Variants in STIM2 observed in about 807,000 individuals in gnomAD.
STIM2 encodes the protein stromal interaction molecule 2.
Under a neutral mutation model 85.8 loss-of-function variants are expected in STIM2, and 31 were observed. The ratio of observed to expected loss-of-function variants is 0.36; its 90% CI spans 0.27 to 0.49. STIM2 has a LOEUF of 0.49. Ranked by LOEUF, STIM2 falls within the 20% of genes least tolerant of loss-of-function variation. The probability of loss-of-function intolerance (pLI) is 0.98; values close to 1 mark genes in which losing one functional copy is unlikely to be tolerated. For missense variants in STIM2, 841 were observed against 927.6 expected (o/e 0.91, Z 1.21); for synonymous variants, 356 against 331.1 (o/e 1.08, Z -0.82).
Position 27,008,548 on chromosome 4 carries a change from TTTTA to T in STIM2, c.1250+24_1250+27del. 1 of 1,509,952 alleles carries T rather than the reference TTTTA, an allele frequency of 6.6e-7. No homozygotes were observed. Among genetic ancestry groups the T allele is most frequent in the Non-Finnish European group, 9.0e-7 (1 of 1,105,958 alleles). The allele number at this position is 1,509,952 out of a possible 1,614,324, so 93.5% of individuals were successfully genotyped here. Reference sequence around the variant, plus strand: ...AGCAAAGTAAGAATGTTGTTTTCACTTTTATTTGATTTATGTTTATTGTGTTAAA... The same window carrying T: ...AGCAAAGTAAGAATGTTGTTTTCACTTTTGATTTATGTTTATTGTGTTAAA... On this transcript the variant is annotated intron_variant, in intron 9 of 11. Transcript: ENST00000467087.
chr4:26,995,871 T>A (rs1298348167), intron 4 of STIM2, among the ~76,000 whole-genome samples: 9 of 152,116 alleles, frequency 5.9e-5, no homozygotes, highest in African/African-American at 2.2e-4. Flanking sequence ...CTTGTGACAT[T>A]TTAAATGACA....
intron 5 of STIM2, among the ~76,000 whole-genome samples, chr4:26,999,816 C>T (rs1728081870): frequency 6.6e-6 from 1 of 152,122 alleles, no homozygotes; most frequent in South Asian, 2.1e-4. Flanking sequence ...TATAAATTAA[C>T]AAACTCTACT....
intron 2 of STIM2, among the ~76,000 whole-genome samples, chr4:26,953,413 T>C (rs749222699): frequency 2.6e-5 from 4 of 152,194 alleles, no homozygotes; most frequent in Non-Finnish European, 5.9e-5. Context: ...TAGACAATTT[T>C]ATTTTCCTCA....
At chr4:26,916,741 T>G (rs1724596142) in intron 1 of STIM2, among the ~76,000 whole-genome samples, 1 of 144,076 alleles carries the variant, frequency 6.9e-6, no homozygotes, top group South Asian at 2.1e-4. Context: ...ATGTTTTATG[T>G]TTTTTTTTTT....
At chr4:26,997,328 A>T (rs1465418117) in intron 4 of STIM2, among the ~76,000 whole-genome samples, 1 of 152,184 alleles carries the variant, frequency 6.6e-6, no homozygotes, top group Non-Finnish European at 1.5e-5. Context: ...AAAACCCTTT[A>T]CATTTGCTAA....
chr4:26,861,307 C>G lies in STIM2; in HGVS notation c.89C>G (p.Ser30Cys). Residue 30 changes from serine to cysteine, a missense_variant, in exon 1 of 12, where the codon TCT becomes TGT. Coordinates refer to ENST00000467087, the MANE Select transcript of STIM2 (RefSeq NM_020860.4). The stretch of plus-strand genomic sequence containing the variant: ...CTCCGCGGGCGGCGGGCGACTGGCT[C>G]TGCCGCAACTGCCGCCTCCTCTCCC... 3.5e-6 allele frequency: 5 copies of G among 1,421,872 alleles called. No homozygotes were observed. The highest frequency in any genetic ancestry group is 1.4e-5 in the South Asian group (1 of 70,080). 88.1% of individuals were successfully genotyped at this position (1,421,872 alleles called of 1,614,324 possible).
At chr4:26,997,688 C>T (rs867046391) in intron 4 of STIM2, among the ~76,000 whole-genome samples, 4 of 152,370 alleles carry the variant, frequency 2.6e-5, no homozygotes, top group Middle Eastern at 3.4e-3. Context: ...ATTTATCAAG[C>T]TTCTACTTTT....
In STIM2 at chr4:27,002,218, C is replaced by G. The variant is rs761153642; in HGVS notation, c.627C>G (p.Arg209=). The change falls in exon 6 of 12, where the codon CGC becomes CGG. Residue 209 remains arginine (R), a splice_region_variant and synonymous_variant. Transcript: ENST00000467087. ...AATCATCTGTAATTCTTTTAATAGG[C>G]CCACCTCATAACTGGATGAAAGATT... 1 of 1,594,900 alleles carries G rather than the reference C, an allele frequency of 6.3e-7. No homozygotes were observed. Among genetic ancestry groups the G allele is most frequent in the East Asian group, 2.2e-5 (1 of 44,532 alleles).
chr4:26,878,703 T>C (rs1027852532), intron 1 of STIM2, among the ~76,000 whole-genome samples: 1 of 152,268 alleles, frequency 6.6e-6, no homozygotes, highest in South Asian at 2.1e-4. Context: ...TGAGACTGGG[T>C]AATTTATGAA....
chr4:26,882,010 G>A (rs1415182831), intron 1 of STIM2, among the ~76,000 whole-genome samples: 1 of 152,118 alleles, frequency 6.6e-6, no homozygotes, highest in Non-Finnish European at 1.5e-5. Flanking sequence ...GTGTTTTTGA[G>A]TGCCCAATAG....
chr4:26,864,853 A>G (rs1322846787), intron 1 of STIM2, among the ~76,000 whole-genome samples: 1 of 152,170 alleles, frequency 6.6e-6, no homozygotes, highest in Non-Finnish European at 1.5e-5. Context: ...ATTAATTTAG[A>G]TGGAAATACC....
intron 1 of STIM2, among the ~76,000 whole-genome samples, chr4:26,888,835 T>C (rs1238601021): frequency 6.6e-6 from 1 of 152,214 alleles, no homozygotes; most frequent in Non-Finnish European, 1.5e-5. Context: ...TCTCTCGTAT[T>C]CTGGACTTAG....
intron 1 of STIM2, among the ~76,000 whole-genome samples, chr4:26,893,214 G>T (rs1723560436): frequency 6.6e-6 from 1 of 152,056 alleles, no homozygotes; most frequent in Non-Finnish European, 1.5e-5. Context: ...CCACCTTCAG[G>T]TCATGAAATA....
At chr4:26,923,211 C>T (rs59258486) in intron 2 of STIM2, among the ~76,000 whole-genome samples, 5,420 of 151,166 alleles carry the variant, frequency 0.036, 136 homozygotes, top group African/African-American at 0.1. Context: ...ACATCTACAC[C>T]GAAAACCCAT....
chr4:26,888,347 G>A (rs568994813), intron 1 of STIM2, among the ~76,000 whole-genome samples: 1 of 152,242 alleles, frequency 6.6e-6, no homozygotes, highest in African/African-American at 2.4e-5. Context: ...AAGAGGATGC[G>A]GAGTCCCTGG....
At chr4:26,973,412 A>G (rs553258785) in intron 3 of STIM2, among the ~76,000 whole-genome samples, 8 of 152,214 alleles carry the variant, frequency 5.3e-5, no homozygotes, top group Middle Eastern at 3.4e-3. Flanking sequence ...TACTTTAAAT[A>G]TGTCCCAGAC....
chr4:26,990,039 C>A (rs926676028), intron 3 of STIM2, among the ~76,000 whole-genome samples: 3 of 151,980 alleles, frequency 2.0e-5, no homozygotes, highest in African/African-American at 7.2e-5. Flanking sequence ...CTAAAGTGAT[C>A]TACAGATTTA....
intron 1 of STIM2, among the ~76,000 whole-genome samples, chr4:26,908,742 C>T (rs911959412): frequency 2.0e-5 from 3 of 152,202 alleles, no homozygotes; most frequent in African/African-American, 7.2e-5. Flanking sequence ...TCTCGGCCTC[C>T]CAAGGTGTTG....
At chr4:26,871,995 A>T (rs1334215972) in intron 1 of STIM2, among the ~76,000 whole-genome samples, 1 of 152,168 alleles carries the variant, frequency 6.6e-6, no homozygotes, top group Non-Finnish European at 1.5e-5. Flanking sequence ...CTAAAATGGG[A>T]TGCAAAGAAT....
Sources: allele counts gnomAD v4.1 joint callset (sites outside exome capture counted in the v4.1 genomes callset), GRCh38; gene constraint gnomAD v4.1.1; transcripts MANE v1.5; gene names NCBI Gene and HGNC (gene_info 2026-07-23, HGNC 2026-07-21).